Variants in KIFC3 observed in about 807,000 individuals in gnomAD.
KIFC3 encodes kinesin family member C3, also known as kinesin-like protein KIFC3.
A neutral mutation model predicts 101.8 loss-of-function variants in KIFC3; 60 were observed. The observed-to-expected ratio is 0.59, with a 90% confidence interval of 0.48 to 0.73. KIFC3 has a LOEUF of 0.73. Ranked by LOEUF, KIFC3 falls within the 30% of genes least tolerant of loss-of-function variation. The pLI is 0.00. For synonymous variants in KIFC3, 476 were observed against 482.7 expected, an observed-to-expected ratio of 0.99 and a Z score of 0.18; for missense variants, 966 against 1,137.1, an observed-to-expected ratio of 0.85 and a Z score of 2.16.
At chr16:57,836,489 G>A (rs1052612588) in intron 1 of KIFC3, among the ~76,000 whole-genome samples, 3 of 152,090 alleles carry the variant, frequency 2.0e-5, no homozygotes, top group Non-Finnish European at 4.4e-5. Flanking sequence ...GAAGAGCTAA[G>A]CCTCTGGGCA....
chr16:57,861,809 C>T (rs561052800), intron 1 of KIFC3, among the ~76,000 whole-genome samples: 7 of 152,158 alleles, frequency 4.6e-5, no homozygotes, highest in Admixed American at 4.6e-4. Context: ...ATTAGCCGGG[C>T]GTGATGGTGT....
At chr16:57,816,687 C>G in intron 1 of KIFC3, 1 of 456,658 alleles carries the variant, frequency 2.2e-6, no homozygotes, top group Non-Finnish European at 4.4e-6. Flanking sequence ...AACCAGGAGT[C>G]TTGGAGGGCA....
rs1301761867 is a variant in KIFC3, at chr16:57,758,305, C to G, written c.*629G>C. On this transcript the variant is annotated 3_prime_UTR_variant, in exon 20 of 20. Coordinates refer to ENST00000445690, the MANE Select transcript of KIFC3 (RefSeq NM_001130100.2). ...ATAGGATTTCAGAGGGAAGAAAATT[C>G]GAGAGACCAGCGAGCCAGGCAGGTG... The G allele has an allele frequency of 4.0e-6, 1 of 247,156 alleles. No homozygotes were observed. The highest frequency in any genetic ancestry group is 4.3e-5 in the South Asian group (1 of 23,522). 15.3% of individuals were successfully genotyped at this position (247,156 alleles called of 1,614,324 possible).
At chr16:57,800,751 A>T (rs2054670137) in intron 1 of KIFC3, among the ~76,000 whole-genome samples, 1 of 152,218 alleles carries the variant, frequency 6.6e-6, no homozygotes, top group African/African-American at 2.4e-5. Context: ...TGAATTTAGC[A>T]GCCTCAGGGG....
At chr16:57,815,376 G>C (rs2967147) in intron 1 of KIFC3, 97,363 of 1,101,988 alleles carry the variant, frequency 0.088, 5,454 homozygotes, top group African/African-American at 0.25. Context: ...GTACATCTCT[G>C]TGCTTAGAGA....
At chr16:57,831,341 G>T (rs2055576424) in intron 1 of KIFC3, among the ~76,000 whole-genome samples, 1 of 152,208 alleles carries the variant, frequency 6.6e-6, no homozygotes, top group South Asian at 2.1e-4. Flanking sequence ...CTCTCCAAGA[G>T]CAGTGCTTCT....
intron 18 of KIFC3, chr16:57,759,357 A>G: frequency 1.6e-6 from 1 of 628,154 alleles, no homozygotes; most frequent in Non-Finnish European, 2.8e-6. Flanking sequence ...GGCCCTTTCT[A>G]CCCCCGGGGC....
intron 1 of KIFC3, among the ~76,000 whole-genome samples, chr16:57,833,866 CTTTT>C (rs201843937): frequency 3.6e-5 from 4 of 111,304 alleles, no homozygotes; most frequent in Admixed American, 9.8e-5. Flanking sequence ...AATGCAGTTG[CTTTT>C]TTTTTTTTTT....
rs782654377 is a variant in KIFC3, at chr16:57,772,233, C to A, written c.371G>T (p.Arg124Leu). 1.2e-6 allele frequency: 2 copies of A among 1,613,418 alleles called. No individual in the cohort carries two copies. The highest frequency in any genetic ancestry group is 1.1e-5 in the South Asian group (1 of 91,068). The change falls in exon 4 of 20, where the codon CGA becomes CTA. Residue 124 changes from arginine (R) to leucine (L), a missense_variant. Arg to Leu is a moderately radical substitution (Grantham distance 102). Coordinates refer to ENST00000445690, the MANE Select transcript of KIFC3 (RefSeq NM_001130100.2). ...ISQAQEVSRL[R>L]SELGGTDLEK... ...GCCTTGTGGCCTCACCAGCTCAGAT[C>A]GCAGTCGGCTCACTTCCTGGGCCTG...
At position 57,770,512 on chromosome 16, in the gene KIFC3, A is replaced by C. The variant is rs1597955577; in HGVS notation, c.939+15T>G. 1 of 1,386,704 alleles carries C rather than the reference A, an allele frequency of 7.2e-7. No individual in the cohort carries two copies. The highest frequency in any genetic ancestry group is 1.5e-5 in the African/African-American group (1 of 66,712). 85.9% of individuals were successfully genotyped at this position (1,386,704 alleles called of 1,614,324 possible). On this transcript the variant is annotated intron_variant, in intron 7 of 19. Coordinates refer to ENST00000445690, the MANE Select transcript of KIFC3 (RefSeq NM_001130100.2). ...GCTTCCTGGCTGGGCATGTGCCCCC[A>C]CACAGCCTGGGTACCTGCGCCCGGA...
intron 1 of KIFC3, among the ~76,000 whole-genome samples, chr16:57,832,461 T>C (rs1347802408): frequency 6.6e-6 from 1 of 151,062 alleles, no homozygotes; most frequent in African/African-American, 2.4e-5. Context: ...GTAGCTGGGA[T>C]GTGCCATCAT....
chr16:57,842,080 G>C (rs1331516205), intron 1 of KIFC3, among the ~76,000 whole-genome samples: 2 of 151,822 alleles, frequency 1.3e-5, no homozygotes, highest in African/African-American at 4.8e-5. Flanking sequence ...CCTGTAATAG[G>C]TCCCAGCTAC....
chr16:57,765,922 G>A (rs1485064057), intron 10 of KIFC3: 5 of 368,950 alleles, frequency 1.4e-5, no homozygotes, highest in Non-Finnish European at 2.5e-5. Context: ...ACTGCACCCC[G>A]TCAGGGTGAG....
intron 1 of KIFC3, among the ~76,000 whole-genome samples, chr16:57,827,965 T>A (rs1180807955): frequency 6.6e-6 from 1 of 152,174 alleles, no homozygotes; most frequent in Non-Finnish European, 1.5e-5. Flanking sequence ...TTGAGGGAAG[T>A]TCTATTGTTG....
chr16:57,812,352 TA>T (rs71152299), intron 1 of KIFC3, among the ~76,000 whole-genome samples: 88 of 137,516 alleles, frequency 6.4e-4, no homozygotes, highest in Admixed American at 2.2e-3. Flanking sequence ...CCCCATCTCT[TA>T]AAAAAAAAAA....
intron 1 of KIFC3, among the ~76,000 whole-genome samples, chr16:57,810,365 C>T (rs1299755565): frequency 2.0e-5 from 3 of 152,208 alleles, no homozygotes; most frequent in Admixed American, 2.0e-4. Flanking sequence ...GGTGCGCAGC[C>T]TCTCCCCTAG....
chr16:57,759,301 G>T (rs892292942), intron 18 of KIFC3, 148 bp from the exon 19 acceptor site: 13 of 962,998 alleles, frequency 1.3e-5, no homozygotes, highest in Non-Finnish European at 2.0e-5. Context: ...CCTGGGTCCC[G>T]GTCCTGTGGC....
At chr16:57,810,001 A>G (rs1433504194) in intron 1 of KIFC3, among the ~76,000 whole-genome samples, 1 of 151,994 alleles carries the variant, frequency 6.6e-6, no homozygotes, top group Non-Finnish European at 1.5e-5. Flanking sequence ...AGTGCTCCCA[A>G]TCCCTGCCTG....
intron 1 of KIFC3, among the ~76,000 whole-genome samples, chr16:57,847,259 GAAGGAAGGA>G (rs1304689151): frequency 0.029 from 2,831 of 96,442 alleles, 149 homozygotes; most frequent in African/African-American, 0.093. Flanking sequence ...AGGAAGGAAG[GAAGGAAGGA>G]AGGGAAGGGA....
Sources: gnomAD v4.1 joint callset for allele counts (sites outside exome capture counted in the v4.1 genomes callset) on GRCh38, gnomAD v4.1.1 for gene constraint, MANE v1.5 for transcripts, NCBI Gene and HGNC (gene_info 2026-07-23, HGNC 2026-07-21) for gene names.